Variants in FRK observed in about 807,000 individuals in gnomAD.
FRK encodes the protein fyn related Src family tyrosine kinase, also known as tyrosine-protein kinase FRK.
Under a neutral mutation model 56.4 loss-of-function variants are expected in FRK, and 51 were observed. The observed-to-expected ratio is 0.90, with a 90% confidence interval of 0.72 to 1.14. The LOEUF (loss-of-function observed/expected upper bound fraction) is 1.14. FRK is among the 50% of genes most tolerant of loss of function. The probability of loss-of-function intolerance (pLI) is 0.00; values close to 1 mark genes in which losing one functional copy is unlikely to be tolerated. For synonymous variants in FRK, 245 were observed against 217.9 expected (o/e 1.12, Z -1.10); for missense variants, 570 against 601.4 (o/e 0.95, Z 0.55).
At chr6:116,083,592 T>A in the FRK span, among the ~76,000 whole-genome samples, 1 of 152,186 alleles carries the variant, frequency 6.6e-6, no homozygotes, top group Admixed American at 6.5e-5. Context: ...ATCTAGAGGT[T>A]TTATTAAAGT....
At chr6:116,044,757 T>A (rs551371202) in intron 1 of FRK, among the ~76,000 whole-genome samples, 1 of 152,114 alleles carries the variant, frequency 6.6e-6, no homozygotes, top group Non-Finnish European at 1.5e-5. Context: ...GAGAAAGAAA[T>A]AAAGAGTATT....
intron 1 of FRK, among the ~76,000 whole-genome samples, chr6:116,008,274 CTCCTT>C (rs992612013): frequency 1.3e-5 from 2 of 151,902 alleles, no homozygotes; most frequent in African/African-American, 4.8e-5. Context: ...TTTTTTAATC[CTCCTT>C]TGTTTCAACA....
intron 1 of FRK, among the ~76,000 whole-genome samples, chr6:116,016,666 G>A (rs1775667419): frequency 6.6e-6 from 1 of 152,110 alleles, no homozygotes; most frequent in African/African-American, 2.4e-5. Flanking sequence ...GGGAGTCAAG[G>A]TGTGAGACCT....
intron 5 of FRK, among the ~76,000 whole-genome samples, chr6:115,952,688 A>G (rs955677488): frequency 6.6e-6 from 1 of 151,378 alleles, no homozygotes; most frequent in Non-Finnish European, 1.5e-5. Flanking sequence ...TCCAACAATG[A>G]TAGACTGGAT....
chr6:115,951,743 C>A (rs1772762068), intron 5 of FRK, among the ~76,000 whole-genome samples: 1 of 152,156 alleles, frequency 6.6e-6, no homozygotes, highest in African/African-American at 2.4e-5. Flanking sequence ...AGGCATAATA[C>A]TGGAGGAAAT....
At chr6:116,000,403 C>T (rs1405077470) in intron 2 of FRK, among the ~76,000 whole-genome samples, 1 of 151,616 alleles carries the variant, frequency 6.6e-6, no homozygotes, top group Non-Finnish European at 1.5e-5. Flanking sequence ...CCACCATGCC[C>T]CATTAATTTT....
At chr6:116,088,458 T>C in the FRK span, among the ~76,000 whole-genome samples, 1 of 152,248 alleles carries the variant, frequency 6.6e-6, no homozygotes, top group Non-Finnish European at 1.5e-5. Context: ...ACATTTCCTC[T>C]GATTTCTTAA....
chr6:116,015,335 C>T (rs1257056368), intron 1 of FRK, among the ~76,000 whole-genome samples: 3 of 152,174 alleles, frequency 2.0e-5, no homozygotes, highest in Non-Finnish European at 4.4e-5. Flanking sequence ...GCTTCCCCTT[C>T]CACCATGATT....
At chr6:116,030,524 G>C (rs568068433) in intron 1 of FRK, among the ~76,000 whole-genome samples, 7 of 152,022 alleles carry the variant, frequency 4.6e-5, no homozygotes, top group Admixed American at 4.6e-4. Context: ...TCTGAATCAG[G>C]GCTGGTCACC....
At chr6:116,037,341 C>T (rs1408176872) in intron 1 of FRK, among the ~76,000 whole-genome samples, 1 of 152,098 alleles carries the variant, frequency 6.6e-6, no homozygotes, top group African/African-American at 2.4e-5. Context: ...AGATAAACAA[C>T]ACCAAAGTGT....
At position 115,968,656 on chromosome 6, in the gene FRK, A is replaced by G. The variant is rs142511122; in HGVS notation, c.550T>C (p.Ser184Pro). ...TGGCTCACAAATTCGTTCAGTGTTGAAAAGATTCTTCTTCGCGTGAGAAAA... is the reference window on the plus strand; with the variant it reads ...TGGCTCACAAATTCGTTCAGTGTTGGAAAGATTCTTCTTCGCGTGAGAAAA... ...GFFLTRRRIF[S>P]TLNEFVSHYT... Residue 184 changes from serine (S) to proline (P), a missense_variant, in exon 3 of 8, where the codon TCA (serine) becomes CCA (proline). Physicochemically the swap from Ser to Pro is moderately conservative, Grantham distance 74. Transcript: ENST00000606080. 9.9e-6 allele frequency: 16 copies of G among 1,613,890 alleles called. No homozygotes were observed. The highest frequency in any genetic ancestry group is 1.4e-5 in the Non-Finnish European group (16 of 1,179,842).
rs771160770 is a variant in FRK, at chr6:115,968,675, G to A, written c.531C>T (p.Leu177=). The A allele has an allele frequency of 1.1e-5, 18 of 1,613,770 alleles. No individual in the cohort carries two copies. Among genetic ancestry groups the A allele is most frequent in the African/African-American group, 1.1e-4 (8 of 74,990 alleles). Residue 177 remains leucine, a synonymous_variant, in exon 3 of 8, where the codon CTC becomes CTT. Transcript: ENST00000606080. The part of the protein sequence containing the change: ...IKRLDEGGFF[L]TRRRIFSTLN... ...GTGTTGAAAAGATTCTTCTTCGCGT[G>A]AGAAAAAATCCCCCTTCATCCAGTC...
intron 2 of FRK, among the ~76,000 whole-genome samples, chr6:115,974,314 T>A (rs1316173569): frequency 6.6e-6 from 1 of 152,198 alleles, no homozygotes; most frequent in African/African-American, 2.4e-5. Context: ...TGTGATTTTC[T>A]TAATAAGAGA....
intron 2 of FRK, among the ~76,000 whole-genome samples, chr6:115,990,064 G>T (rs1246693873): frequency 6.6e-6 from 1 of 151,502 alleles, no homozygotes; most frequent in Non-Finnish European, 1.5e-5. Flanking sequence ...CATGTTTGTT[G>T]GTTGCTTCTG....
chr6:116,009,735 T>C (rs976343024), intron 1 of FRK, among the ~76,000 whole-genome samples: 23 of 152,218 alleles, frequency 1.5e-4, no homozygotes, highest in Non-Finnish European at 3.1e-4. Context: ...ATGAAAATAG[T>C]ATGTAATTTA....
At chr6:115,958,290 C>G (rs887505973) in intron 4 of FRK, among the ~76,000 whole-genome samples, 34 of 151,840 alleles carry the variant, frequency 2.2e-4, no homozygotes, top group Non-Finnish European at 3.8e-4. Context: ...ACCACCCCCC[C>G]CAAAAAAGAA....
Position 115,996,396 on chromosome 6 carries a change from AG to A in FRK, c.466+7480del, listed in dbSNP as rs142646163. ...GTTTGAACAGAATCATGGTAGCTGA[AG>A]GGTCTGTATAAAGTGAGTTTAGGAC... is the stretch of plus-strand genomic sequence containing the variant. On this transcript the variant is annotated intron_variant, in intron 2 of 7. Transcript: ENST00000606080. 2.9e-3 allele frequency among the ~76,000 whole-genome samples: 442 copies of A among 152,240 alleles called. 3 individuals carry two copies. Among genetic ancestry groups the A allele is most frequent in the African/African-American group, 0.01 (428 of 41,552 alleles).
intron 2 of FRK, among the ~76,000 whole-genome samples, chr6:115,997,910 G>C (rs1021236437): frequency 2.6e-5 from 4 of 152,196 alleles, no homozygotes; most frequent in African/African-American, 9.6e-5. Context: ...CTGAGCAAAA[G>C]AAGCTGCCAT....
In FRK at chr6:115,932,084, A is replaced by G. The variant is rs544377800; in HGVS notation, c.*10330T>C. The G allele has an allele frequency of 3.9e-5, 6 of 152,222 alleles. No individual in the cohort carries two copies. Among genetic ancestry groups the G allele is most frequent in the Non-Finnish European group, 5.9e-5 (4 of 68,036 alleles). The allele number at this position is 152,222 out of a possible 1,614,324, so 9.4% of individuals were successfully genotyped here. ...ATAATTGGGCATCTCTTTTCTTGTA[A>G]TTTAATCTTATAACATCTCTGTAGA... On this transcript the variant is annotated 3_prime_UTR_variant, in exon 8 of 8. Transcript: ENST00000606080.
Sources: gnomAD v4.1 joint callset for allele counts (sites outside exome capture counted in the v4.1 genomes callset) on GRCh38, gnomAD v4.1.1 for gene constraint, MANE v1.5 for transcripts, NCBI Gene and HGNC (gene_info 2026-07-23, HGNC 2026-07-21) for gene names.